NINJ2: variants seen among roughly 807,000 people sequenced by gnomAD.
The protein encoded by NINJ2 is ninjurin 2, also known as ninjurin-2.
In NINJ2, 12 loss-of-function variants were observed where a neutral mutation model predicts 11.7. The ratio of observed to expected loss-of-function variants is 1.02; its 90% CI spans 0.66 to 1.66. The LOEUF is 1.66. NINJ2 is among the 40% of genes most tolerant of loss of function. NINJ2 has a pLI of 0.00. For missense variants in NINJ2, 187 were observed against 181.8 expected (o/e 1.03, Z -0.16); for synonymous variants, 93 against 76.8 (o/e 1.21, Z -1.10).
intron 1 of NINJ2, chr12:643,363 C>T: frequency 1.1e-6 from 1 of 882,780 alleles, no homozygotes; most frequent in Non-Finnish European, 1.4e-6. Context: ...GGTGGCGTTC[C>T]TGAGTCCGCG....
At chr12:568,161 A>G (rs892817424) in intron 1 of NINJ2, among the ~76,000 whole-genome samples, 3 of 152,210 alleles carry the variant, frequency 2.0e-5, no homozygotes, top group Non-Finnish European at 2.9e-5. Flanking sequence ...GACTAATTAT[A>G]TATATAGTAA....
chr12:567,599 G>C (rs577602523), intron 1 of NINJ2, among the ~76,000 whole-genome samples: 3 of 152,202 alleles, frequency 2.0e-5, no homozygotes, highest in African/African-American at 2.4e-5. Flanking sequence ...GCCCCAGCAA[G>C]TCACTTCACT....
intron 1 of NINJ2, among the ~76,000 whole-genome samples, chr12:638,587 T>C (rs1183079256): frequency 1.3e-5 from 2 of 152,206 alleles, no homozygotes; most frequent in African/African-American, 4.8e-5. Context: ...GGCTAATTTT[T>C]TGTATTTTTA....
chr12:644,664 G>A (rs1937648136), intron 1 of NINJ2: 1 of 152,086 alleles, frequency 6.6e-6, no homozygotes, highest in Non-Finnish European at 1.5e-5. Flanking sequence ...GCTTCCTGAA[G>A]GTCCCAAGTA....
At chr12:648,017 A>C (rs1037253965) in intron 1 of NINJ2, among the ~76,000 whole-genome samples, 1 of 152,180 alleles carries the variant, frequency 6.6e-6, no homozygotes, top group Non-Finnish European at 1.5e-5. Flanking sequence ...CATTTGCATC[A>C]TGTGTTTGAA....
At chr12:566,349 C>T (rs745485804) in intron 1 of NINJ2, among the ~76,000 whole-genome samples, 171 bp from the exon 2 acceptor site, 11 of 152,258 alleles carry the variant, frequency 7.2e-5, no homozygotes, top group South Asian at 6.2e-4. Context: ...GACGAGAAAA[C>T]CCATAAGGAC....
chr12:592,665 C>T (rs1947732846), intron 1 of NINJ2, among the ~76,000 whole-genome samples: 1 of 152,028 alleles, frequency 6.6e-6, no homozygotes, highest in South Asian at 2.1e-4. Context: ...GTGCCATTGC[C>T]CTCCAGCCTG....
chr12:641,838 C>A (rs1948421026), intron 1 of NINJ2, among the ~76,000 whole-genome samples: 2 of 126,574 alleles, frequency 1.6e-5, no homozygotes, highest in Non-Finnish European at 3.4e-5. Flanking sequence ...GAGCGAGACT[C>A]CGTCTCAAAA....
chr12:577,452 G>GTATATATATATATACACATATATAT (rs1555161825), intron 1 of NINJ2, among the ~76,000 whole-genome samples: 2 of 57,528 alleles, frequency 3.5e-5, no homozygotes, highest in Non-Finnish European at 9.6e-5. Context: ...TAAATATTTT[G>GTATATATATATATACACATATATAT]GCACGATCTT....
chr12:581,443 C>T lies in NINJ2; in HGVS notation c.34-15265G>A, dbSNP rs1179448075. Among the ~76,000 whole-genome samples the T allele has an allele frequency of 6.6e-6, 1 of 152,148 alleles. No individual in the cohort carries two copies. The highest frequency in any genetic ancestry group is 1.9e-4 in the East Asian group (1 of 5,200). On this transcript the variant is annotated intron_variant, in intron 1 of 3. Transcript: ENST00000305108. The surrounding 1 kb of genome is among the most constrained non-coding windows in gnomAD (Gnocchi z 4.9). ...CCAGCTTCAGCCAATCCAAGGAGGC[C>T]TGGGCCTGGAACCAGCCTGCCTGGA...
intron 1 of NINJ2, among the ~76,000 whole-genome samples, chr12:653,652 A>T (rs1937829482): frequency 6.6e-6 from 1 of 152,236 alleles, no homozygotes; most frequent in Non-Finnish European, 1.5e-5. Flanking sequence ...AATGGAGATA[A>T]AACAGGAACA....
At chr12:622,405 G>C (rs1476626516) in intron 1 of NINJ2, among the ~76,000 whole-genome samples, 2 of 57,310 alleles carry the variant, frequency 3.5e-5, no homozygotes, top group African/African-American at 1.4e-4. Context: ...GTGAGACTCC[G>C]TCTCAAAAAA....
intron 1 of NINJ2, among the ~76,000 whole-genome samples, chr12:609,151 G>A (rs1206782777): frequency 6.7e-5 from 5 of 74,822 alleles, no homozygotes; most frequent in African/African-American, 3.8e-4. Context: ...GCCACGCTAG[G>A]GGCTGTACGC....
chr12:648,911 A>G (rs1191015548), intron 1 of NINJ2, among the ~76,000 whole-genome samples: 3 of 152,136 alleles, frequency 2.0e-5, no homozygotes, highest in African/African-American at 4.8e-5. Flanking sequence ...ATACTCTTGC[A>G]CTAGTCAAAG....
intron 1 of NINJ2, among the ~76,000 whole-genome samples, chr12:584,987 C>T (rs911832530): frequency 4.6e-5 from 7 of 152,090 alleles, no homozygotes; most frequent in Non-Finnish European, 8.8e-5. Flanking sequence ...GGCGTGGTGG[C>T]GGGCCCCTGT....
intron 1 of NINJ2, among the ~76,000 whole-genome samples, chr12:646,872 G>A (rs1458496003): frequency 6.6e-6 from 1 of 152,186 alleles, no homozygotes; most frequent in Admixed American, 6.5e-5. Flanking sequence ...CAAGGGTTGT[G>A]GAAACAGGGA....
intron 1 of NINJ2, among the ~76,000 whole-genome samples, chr12:638,699 G>A (rs1325941504): frequency 1.3e-5 from 2 of 152,242 alleles, no homozygotes; most frequent in Non-Finnish European, 2.9e-5. Context: ...ACAGGCGTGA[G>A]CCACCGCGCC....
At chr12:653,018 CTT>C (rs377056940) in intron 1 of NINJ2, among the ~76,000 whole-genome samples, 2 of 96,212 alleles carry the variant, frequency 2.1e-5, no homozygotes, top group East Asian at 3.4e-4. Flanking sequence ...TATTTTGTTT[CTT>C]TTTTTTTTTT....
intron 2 of NINJ2, 81 bp downstream of exon 2, chr12:565,869 G>A: frequency 8.3e-7 from 1 of 1,204,720 alleles, no homozygotes; most frequent in Non-Finnish European, 1.2e-6. Context: ...CCAATGCAGG[G>A]TGGCCCAGGG....
Sources: gnomAD v4.1 joint callset for allele counts (sites outside exome capture counted in the v4.1 genomes callset) on GRCh38, gnomAD v4.1.1 for gene constraint, Gnocchi (gnomAD v3.1) non-coding constraint, MANE v1.5 for transcripts, NCBI Gene and HGNC (gene_info 2026-07-23, HGNC 2026-07-21) for gene names.